TJP2: variants seen among roughly 807,000 people sequenced by gnomAD.
TJP2 encodes the protein Friedreich ataxia region gene X104 (tight junction protein ZO-2).
In TJP2, 91 loss-of-function variants were observed where a neutral mutation model predicts 133.1. The observed-to-expected ratio is 0.68, with a 90% CI of 0.58 to 0.81. The LOEUF (loss-of-function observed/expected upper bound fraction) is 0.81. Ranked by LOEUF, TJP2 falls within the 40% of genes least tolerant of loss-of-function variation. TJP2 has a pLI of 0.00. For synonymous variants in TJP2, 592 were observed against 583.4 expected (o/e 1.01, Z -0.21); for missense variants, 1,541 against 1,565.6 (o/e 0.98, Z 0.26).
At chr9:69,242,817 G>A (rs191931544) in intron 17 of TJP2, among the ~76,000 whole-genome samples, 8 of 152,298 alleles carry the variant, frequency 5.3e-5, no homozygotes, top group Admixed American at 4.6e-4. Context: ...AGAAACACTA[G>A]TCTTTACATT....
In TJP2 at chr9:69,238,697, T is replaced by A; in HGVS notation, c.2276-13T>A. The A allele has an allele frequency of 6.2e-7, 1 of 1,611,892 alleles. No individual in the cohort carries two copies. Among genetic ancestry groups the A allele is most frequent in the Non-Finnish European group, 8.5e-7 (1 of 1,178,456 alleles). On this transcript the variant is annotated splice_polypyrimidine_tract_variant and intron_variant, in intron 15 of 22. Coordinates refer to ENST00000377245, the MANE Select transcript of TJP2 (RefSeq NM_004817.4). The stretch of plus-strand genomic sequence containing the variant: ...CTAAACAATTATTTAGCTTCCTGTT[T>A]TTGCTTTTGCAGAAACGGAACCAAA...
intron 1 of TJP2, among the ~76,000 whole-genome samples, chr9:69,204,548 G>T (rs1012375965): frequency 2.6e-5 from 4 of 152,334 alleles, no homozygotes; most frequent in Non-Finnish European, 2.9e-5. Context: ...TTTACAAAAA[G>T]GTTAGACAGT....
intron 1 of TJP2, among the ~76,000 whole-genome samples, chr9:69,188,004 A>AGT (rs1225060907): frequency 1.3e-5 from 2 of 152,218 alleles, no homozygotes; most frequent in African/African-American, 2.4e-5. Context: ...TGGACTGAGA[A>AGT]GTCCAAAATG....
intron 11 of TJP2, among the ~76,000 whole-genome samples, chr9:69,232,557 C>T (rs1445884400): frequency 1.3e-5 from 2 of 152,220 alleles, no homozygotes; most frequent in Non-Finnish European, 2.9e-5. Flanking sequence ...GCCTTATACA[C>T]ATGCTAATCA....
chr9:69,157,711 G>GA (rs931288728), intron 2 of TJP2, among the ~76,000 whole-genome samples: 5 of 152,022 alleles, frequency 3.3e-5, no homozygotes, highest in African/African-American at 1.2e-4. Flanking sequence ...CATCTGCCTT[G>GA]ACCTCCCAAA....
Position 69,182,936 on chromosome 9 carries a change from G to A in TJP2, c.60+8504G>A, listed in dbSNP as rs867855593. On this transcript the variant is annotated intron_variant, in intron 1 of 22. Transcript: ENST00000377245. The stretch of plus-strand genomic sequence containing the variant: ...CCCGAGTAGTTGGGACTACAGGTGC[G>A]CACCACCATGCCCGGCTAATTTTGT... 1.9e-4 allele frequency among the ~76,000 whole-genome samples: 29 copies of A among 150,990 alleles called. 1 individual carries two copies. In the South Asian group the frequency reaches 2.3e-3, roughly 12 times the overall value.
intron 11 of TJP2, among the ~76,000 whole-genome samples, chr9:69,231,305 C>G (rs530432131): frequency 6.6e-6 from 1 of 152,166 alleles, no homozygotes; most frequent in East Asian, 1.9e-4. Context: ...ATCATGTTGC[C>G]CAGGCTGGTC....
At chr9:69,144,746 C>T (rs891942127) in intron 1 of TJP2, among the ~76,000 whole-genome samples, 17 of 152,214 alleles carry the variant, frequency 1.1e-4, no homozygotes, top group Non-Finnish European at 1.5e-5. Flanking sequence ...GAAGAGCCCT[C>T]TCCATGTGGC....
rs188763150 is a variant in TJP2 at position 69,138,105 on chromosome 9, C to T, written c.-130-13546C>T. On this transcript the variant is annotated intron_variant, in intron 1 of 5. Coordinates refer to the TJP2 transcript ENST00000423935. ...TCCATCCTGATTCCAACTTAACAGC[C>T]CTGTTCTCTTCTCCAAGAGGCATTA... Among the ~76,000 whole-genome samples the T allele has an allele frequency of 9.2e-5, 14 of 152,296 alleles. No individual in the cohort carries two copies. The East Asian group carries it at 2.7e-3, about 29-fold the overall frequency.
intron 7 of TJP2, among the ~76,000 whole-genome samples, chr9:69,226,730 C>T (rs987815895): frequency 6.6e-6 from 1 of 152,194 alleles, no homozygotes; most frequent in African/African-American, 2.4e-5. Flanking sequence ...AACTCCTGAC[C>T]TCGTGATCTG....
rs1828867062 is a variant in TJP2 at position 69,221,595 on chromosome 9, C to G, written c.952+99C>G. ...TCCCCCGAAAGTGTTGCTCTGTCAT[C>G]CAGGCTGGAGGGAAGTGGCGTGATC... On this transcript the variant is annotated intron_variant, in intron 5 of 22. Transcript: ENST00000377245. 6.8e-6 allele frequency: 10 copies of G among 1,479,458 alleles called. No individual in the cohort carries two copies. The South Asian group carries it at 1.1e-4, about 16-fold the overall frequency. 91.6% of individuals were successfully genotyped at this position (1,479,458 alleles called of 1,614,324 possible).
intron 1 of TJP2, among the ~76,000 whole-genome samples, chr9:69,145,252 GAT>G (rs1020102043): frequency 5.3e-5 from 8 of 152,270 alleles, no homozygotes; most frequent in Middle Eastern, 3.4e-3. Context: ...TAGAGAGAGA[GAT>G]ATTTGTAGAA....
chr9:69,248,439 C>A, intron 19 of TJP2: 1 of 1,417,668 alleles, frequency 7.1e-7, no homozygotes, highest in Non-Finnish European at 9.2e-7. Context: ...CTTGAGGGGT[C>A]AGCACTCCGC....
intron 1 of TJP2, among the ~76,000 whole-genome samples, chr9:69,151,040 A>G (rs139934361): frequency 3.0e-4 from 45 of 152,376 alleles, no homozygotes; most frequent in Middle Eastern, 3.4e-3. Flanking sequence ...GTCCATTCAT[A>G]TGAAATATCC....
chr9:69,201,471 G>T (rs553180907), intron 1 of TJP2, among the ~76,000 whole-genome samples: 1 of 151,580 alleles, frequency 6.6e-6, no homozygotes, highest in African/African-American at 2.4e-5. Context: ...ACCTCATCTC[G>T]GTGTCCCTGG....
intron 12 of TJP2, among the ~76,000 whole-genome samples, 155 bp downstream of exon 12, chr9:69,234,702 A>C (rs975193549): frequency 3.3e-5 from 5 of 152,034 alleles, no homozygotes; most frequent in Non-Finnish European, 5.9e-5. Flanking sequence ...TGTGAAGAAA[A>C]TGTGAGTGCC....
intron 1 of TJP2, among the ~76,000 whole-genome samples, chr9:69,149,201 T>C (rs1419785455): frequency 6.6e-6 from 1 of 152,248 alleles, no homozygotes; most frequent in Non-Finnish European, 1.5e-5. Flanking sequence ...ATAGAGAAAG[T>C]TAAAGCCAGG....
intron 1 of TJP2, among the ~76,000 whole-genome samples, chr9:69,139,985 T>C (rs551979332): frequency 9.7e-4 from 148 of 152,292 alleles, no homozygotes; most frequent in Non-Finnish European, 1.5e-3. Flanking sequence ...ACCGCTGCCG[T>C]GAGCGTTGGG....
chr9:69,233,484 A>C (rs765291074), intron 11 of TJP2, among the ~76,000 whole-genome samples: 1 of 152,206 alleles, frequency 6.6e-6, no homozygotes, highest in Non-Finnish European at 1.5e-5. Context: ...AAAGATACAG[A>C]ACTATGGGCC....
Sources: allele counts gnomAD v4.1 joint callset (sites outside exome capture counted in the v4.1 genomes callset), GRCh38; gene constraint gnomAD v4.1.1; transcripts MANE v1.5; gene names NCBI Gene and HGNC (gene_info 2026-07-23, HGNC 2026-07-21).